CADPS: variants seen among roughly 807,000 people sequenced by gnomAD.
The protein encoded by CADPS is calcium-dependent secretion activator 1.
A neutral mutation model predicts 167.3 loss-of-function variants in CADPS; 57 were observed. That is an observed-to-expected ratio of 0.34 (90% confidence interval 0.28 to 0.42). The LOEUF is 0.42. CADPS is among the 20% of genes least tolerant of loss of function. CADPS has a pLI of 1.00. For missense variants in CADPS, 1,414 were observed against 1,738.1 expected (o/e 0.81, Z 3.32); for synonymous variants, 676 against 635.3 (o/e 1.06, Z -0.96).
At chr3:62,856,972 G>GA (rs1162880191) in intron 1 of CADPS, among the ~76,000 whole-genome samples, 1 of 151,140 alleles carries the variant, frequency 6.6e-6, no homozygotes, top group Non-Finnish European at 1.5e-5. Context: ...TTATAAAGAG[G>GA]AAAAGTAGAT....
intron 6 of CADPS, among the ~76,000 whole-genome samples, chr3:62,634,239 T>C (rs2065837685): frequency 7.0e-6 from 1 of 143,004 alleles, no homozygotes; most frequent in African/African-American, 3.1e-5. Context: ...CATTATTTAA[T>C]TTTTTTGAAG....
intron 3 of CADPS, among the ~76,000 whole-genome samples, chr3:62,710,286 G>A (rs962235125): frequency 3.9e-5 from 6 of 151,912 alleles, no homozygotes; most frequent in Admixed American, 2.6e-4. Context: ...GGGTGGGGGA[G>A]GGGCAGGTGT....
At chr3:62,751,670 C>T (rs1272780463) in intron 3 of CADPS, among the ~76,000 whole-genome samples, 1 of 152,180 alleles carries the variant, frequency 6.6e-6, no homozygotes, top group Non-Finnish European at 1.5e-5. Context: ...ATCCACCCGT[C>T]TTAGCCTCCC....
chr3:62,834,179 T>C (rs2075560597), intron 1 of CADPS, among the ~76,000 whole-genome samples: 8 of 152,142 alleles, frequency 5.3e-5, no homozygotes, highest in Admixed American at 4.6e-4. Flanking sequence ...TCAGACCCCA[T>C]ACAACATGAA....
chr3:62,649,582 A>G (rs1224726971), intron 5 of CADPS, among the ~76,000 whole-genome samples: 1 of 84,694 alleles, frequency 1.2e-5, no homozygotes, highest in African/African-American at 5.1e-5. Flanking sequence ...TTTTTTAAAG[A>G]CAGGGTCTCT....
chr3:62,874,393 A>C lies in CADPS; in HGVS notation c.441+196T>G, dbSNP rs2083263296. 6.6e-6 allele frequency among the ~76,000 whole-genome samples: 1 copy of C among 152,024 alleles called. No individual in the cohort carries two copies. The highest frequency in any genetic ancestry group is 2.4e-5 in the African/African-American group (1 of 41,442). Reference sequence around the variant, plus strand: ...GCCCTCGCCGGTCCCAGTCAGCTCCAGGAGCGCTCCAGGCTGGGTTGGGCT... The same window carrying C: ...GCCCTCGCCGGTCCCAGTCAGCTCCCGGAGCGCTCCAGGCTGGGTTGGGCT... On this transcript the variant is annotated intron_variant, in intron 1 of 29. Transcript: ENST00000383710. This position sits in a 1 kb window ranked among gnomAD's most constrained non-coding sequence, Gnocchi z 7.1.
At chr3:62,575,766 C>T (rs766100963) in intron 8 of CADPS, among the ~76,000 whole-genome samples, 1 of 152,174 alleles carries the variant, frequency 6.6e-6, no homozygotes, top group Admixed American at 6.5e-5. Flanking sequence ...GAACATGAGT[C>T]ACGATTCTAA....
intron 1 of CADPS, among the ~76,000 whole-genome samples, chr3:62,844,866 G>A (rs993343350): frequency 3.9e-5 from 6 of 152,166 alleles, no homozygotes. Context: ...CCAAACAAGA[G>A]AAACTAATTC....
At chr3:62,443,759 A>G (rs1055159702) in intron 27 of CADPS, among the ~76,000 whole-genome samples, 2 of 152,174 alleles carry the variant, frequency 1.3e-5, no homozygotes, top group African/African-American at 4.8e-5. Context: ...CTGTGAGTGA[A>G]TTAAACCTCT....
chr3:62,810,829 T>C (rs1165111120), intron 1 of CADPS, among the ~76,000 whole-genome samples: 1 of 152,198 alleles, frequency 6.6e-6, no homozygotes, highest in Non-Finnish European at 1.5e-5. Flanking sequence ...AGGGCGATTG[T>C]GAGGGCGCAG....
intron 28 of CADPS, among the ~76,000 whole-genome samples, chr3:62,434,730 G>A (rs1422958347): frequency 6.6e-6 from 1 of 152,160 alleles, no homozygotes; most frequent in African/African-American, 2.4e-5. Flanking sequence ...CTGGGTAGGG[G>A]CCTAGTTAAA....
At chr3:62,743,255 GT>G (rs1439900665) in intron 3 of CADPS, among the ~76,000 whole-genome samples, 4 of 152,094 alleles carry the variant, frequency 2.6e-5, no homozygotes, top group Non-Finnish European at 4.4e-5. Flanking sequence ...TAATTTAGGG[GT>G]TAACAAACTG....
At chr3:62,572,212 T>C (rs2081419786) in intron 8 of CADPS, among the ~76,000 whole-genome samples, 1 of 152,174 alleles carries the variant, frequency 6.6e-6, no homozygotes, top group Admixed American at 6.5e-5. Flanking sequence ...CAAAATCTAT[T>C]CAGATCTTCA....
intron 3 of CADPS, among the ~76,000 whole-genome samples, chr3:62,725,188 C>G (rs72876480): frequency 6.6e-6 from 1 of 152,108 alleles, no homozygotes; most frequent in African/African-American, 2.4e-5. Context: ...AGAACTGTCT[C>G]GAATGATGGG....
intron 8 of CADPS, among the ~76,000 whole-genome samples, chr3:62,575,887 T>A (rs2082170490): frequency 6.6e-6 from 1 of 152,196 alleles, no homozygotes; most frequent in Admixed American, 6.5e-5. Context: ...GGGCTTTCCC[T>A]CTGAGGTTTT....
chr3:62,842,291 C>T (rs1187769720), intron 1 of CADPS, among the ~76,000 whole-genome samples: 1 of 152,092 alleles, frequency 6.6e-6, no homozygotes, highest in Non-Finnish European at 1.5e-5. Context: ...GATGAGGAAA[C>T]TGAGGTAAAG....
At chr3:62,556,677 AT>A (rs921398813) in intron 10 of CADPS, among the ~76,000 whole-genome samples, 8 of 147,318 alleles carry the variant, frequency 5.4e-5, no homozygotes, top group East Asian at 3.9e-4. Context: ...ATTTCTATTC[AT>A]TTTTTTTTTC....
intron 28 of CADPS, among the ~76,000 whole-genome samples, chr3:62,429,018 T>C (rs923854594): frequency 5.9e-5 from 9 of 152,238 alleles, no homozygotes; most frequent in African/African-American, 2.2e-4. Flanking sequence ...TGTAAACTTA[T>C]TTGTGTGTAG....
chr3:62,728,329 T>C (rs1374037505), intron 3 of CADPS, among the ~76,000 whole-genome samples: 1 of 151,834 alleles, frequency 6.6e-6, no homozygotes. Flanking sequence ...AGGTGGATGT[T>C]ATATGTTCCT....
Sources: allele counts gnomAD v4.1 joint callset (sites outside exome capture counted in the v4.1 genomes callset), GRCh38; gene constraint gnomAD v4.1.1; non-coding constraint Gnocchi (gnomAD v3.1); transcripts MANE v1.5; gene names NCBI Gene and HGNC (gene_info 2026-07-23, HGNC 2026-07-21).